The following SPATA31F3 variants were observed in gnomAD, a reference collection of about 807,000 sequenced individuals.
SPATA31F3 encodes the protein SPATA31 subfamily F member 3, also known as protein SPATA31F3.
the SPATA31F3 span, chr9:34,889,140 C>G: frequency 2.5e-6 from 1 of 398,474 alleles, no homozygotes; most frequent in East Asian, 3.6e-5. Flanking sequence ...GCAATGAAAG[C>G]CTTTTTCAGG....
chr9:34,894,046 G>C, the SPATA31F3 span, among the ~76,000 whole-genome samples: 1 of 152,238 alleles, frequency 6.6e-6, no homozygotes, highest in Non-Finnish European at 1.5e-5. Context: ...AGGAGGTAAT[G>C]TCAGCAGAAT....
the SPATA31F3 span, chr9:34,893,249 A>C: frequency 2.3e-6 from 1 of 438,360 alleles, no homozygotes; most frequent in Non-Finnish European, 4.0e-6. Context: ...CCCAGTCCTG[A>C]AAATCCTGGA....
the SPATA31F3 span, chr9:34,894,617 C>G: frequency 2.3e-5 from 9 of 397,464 alleles, no homozygotes; most frequent in Non-Finnish European, 3.5e-5. Flanking sequence ...AGTCAGAACA[C>G]TAAGTCACAT....
chr9:34,894,914 T>TG, the SPATA31F3 span: 7 of 396,952 alleles, frequency 1.8e-5, no homozygotes, highest in Non-Finnish European at 3.1e-5. Flanking sequence ...AAATTGTCCC[T>TG]GGGGGGTACT....
chr9:34,892,556 A>G, the SPATA31F3 span: 1 of 420,598 alleles, frequency 2.4e-6, no homozygotes, highest in African/African-American at 2.0e-5. Flanking sequence ...TGGACATTGC[A>G]ATAGCAGTTG....
the SPATA31F3 span, among the ~76,000 whole-genome samples, chr9:34,893,470 G>A: frequency 2.2e-4 from 33 of 151,940 alleles, no homozygotes; most frequent in East Asian, 5.8e-4. Flanking sequence ...GCATGGTGGC[G>A]TATGCCTGTA....
chr9:34,894,493 T>G, the SPATA31F3 span: 56 of 398,480 alleles, frequency 1.4e-4, 1 homozygote, highest in African/African-American at 9.9e-4. Flanking sequence ...TCCTGTGAAG[T>G]TCTCCTAGCT....
At chr9:34,894,893 T>G in the SPATA31F3 span, 1 of 396,706 alleles carries the variant, frequency 2.5e-6, no homozygotes, top group Non-Finnish European at 4.4e-6. Flanking sequence ...CCCAAGGAAG[T>G]CTTCCATGAG....
chr9:34,890,353 T>C, the SPATA31F3 span, among the ~76,000 whole-genome samples: 1 of 152,212 alleles, frequency 6.6e-6, no homozygotes, highest in African/African-American at 2.4e-5. Flanking sequence ...GGTAGGGACT[T>C]GTCCTCACTT....
chr9:34,890,477 T>C, the SPATA31F3 span, among the ~76,000 whole-genome samples: 3 of 152,182 alleles, frequency 2.0e-5, no homozygotes, highest in Admixed American at 2.0e-4. Flanking sequence ...GGGTGTGAGA[T>C]CCCAGAATCC....
At chr9:34,894,114 G>A in the SPATA31F3 span, among the ~76,000 whole-genome samples, 5 of 152,154 alleles carry the variant, frequency 3.3e-5, no homozygotes, top group African/African-American at 9.7e-5. Flanking sequence ...ACTTCTTTAC[G>A]CAAAATCCAT....
At chr9:34,892,654 C>T in the SPATA31F3 span, 1 of 457,916 alleles carries the variant, frequency 2.2e-6, no homozygotes, top group East Asian at 3.2e-5. Context: ...TCAAGGGCTG[C>T]TGACCTTGGT....
chr9:34,892,770 C>A, the SPATA31F3 span: 1 of 561,548 alleles, frequency 1.8e-6, no homozygotes, highest in Non-Finnish European at 3.2e-6. Flanking sequence ...TGGGACACAG[C>A]TGGGACTTGA....
chr9:34,889,101 C>G, the SPATA31F3 span: 2 of 398,556 alleles, frequency 5.0e-6, no homozygotes, highest in Admixed American at 4.4e-5. Flanking sequence ...TGGAGAATGC[C>G]CTGCTTCACC....
chr9:34,892,859 G>T, the SPATA31F3 span: 3 of 699,316 alleles, frequency 4.3e-6, no homozygotes, highest in Admixed American at 6.1e-5. Context: ...AGCTGACTGG[G>T]TTAAAGATTT....
At chr9:34,890,078 A>G in the SPATA31F3 span, among the ~76,000 whole-genome samples, 2 of 152,184 alleles carry the variant, frequency 1.3e-5, no homozygotes, top group Non-Finnish European at 2.9e-5. Context: ...GCAGATCCAG[A>G]CAGATCCTTG....
At chr9:34,895,515 A>G in the SPATA31F3 span, 1 of 398,508 alleles carries the variant, frequency 2.5e-6, no homozygotes, top group Non-Finnish European at 4.4e-6. Flanking sequence ...TAACAAGAGA[A>G]AGCTCGGGGA....
the SPATA31F3 span, among the ~76,000 whole-genome samples, chr9:34,894,214 A>T: frequency 6.6e-6 from 1 of 152,210 alleles, no homozygotes; most frequent in African/African-American, 2.4e-5. Context: ...CCTGAATTCT[A>T]GAACTACTGT....
the SPATA31F3 span, among the ~76,000 whole-genome samples, chr9:34,889,883 G>A: frequency 6.6e-6 from 1 of 152,142 alleles, no homozygotes; most frequent in African/African-American, 2.4e-5. Flanking sequence ...GGGCACTCCC[G>A]GTTTGGCATT....
Sources: gnomAD v4.1 joint callset for allele counts (sites outside exome capture counted in the v4.1 genomes callset) on GRCh38, gnomAD v4.1.1 for gene constraint, MANE v1.5 for transcripts, NCBI Gene and HGNC (gene_info 2026-07-23, HGNC 2026-07-21) for gene names.